The following MBNL2 variants were observed in gnomAD, a reference collection of about 807,000 sequenced individuals.
The protein encoded by MBNL2 is muscleblind-like protein 2.
In MBNL2, 17 loss-of-function variants were observed where a neutral mutation model predicts 41.9. The observed-to-expected ratio is 0.41, with a 90% CI of 0.28 to 0.61. The LOEUF is 0.61. Ranked by LOEUF, MBNL2 falls within the 20% of genes least tolerant of loss-of-function variation. MBNL2 has a pLI of 0.35. For missense variants in MBNL2, 336 were observed against 505.6 expected (o/e 0.66, Z 3.22); for synonymous variants, 195 against 182.9 (o/e 1.07, Z -0.53).
chr13:97,379,081 C>G (rs1434517098), intron 8 of MBNL2, among the ~76,000 whole-genome samples: 2 of 152,186 alleles, frequency 1.3e-5, no homozygotes, highest in Non-Finnish European at 2.9e-5. Flanking sequence ...TGGGATGAAC[C>G]TCTTCATATG....
chr13:97,389,947 T>G (rs558031641), intron 8 of MBNL2, among the ~76,000 whole-genome samples: 1 of 152,216 alleles, frequency 6.6e-6, no homozygotes, highest in East Asian at 1.9e-4. Flanking sequence ...ATGATAATAT[T>G]CAAAGATAAT....
rs201149717 is a variant in MBNL2, at chr13:97,306,146, T to TC, written c.175-28126dup. ...ATTAAAAATCACTTCCTCTCCTCTT[T>TC]CCCCAGTGTCCCTAACCAGAAGAAC... On this transcript the variant is annotated intron_variant, in intron 2 of 8. Coordinates refer to ENST00000679496, the MANE Select transcript of MBNL2 (RefSeq NM_001382683.1). Among the ~76,000 whole-genome samples, 1,185 of 152,260 alleles carry TC rather than the reference T, an allele frequency of 7.8e-3. 4 individuals carry two copies. Among genetic ancestry groups the TC allele is most frequent in the Non-Finnish European group, 0.012 (815 of 68,022 alleles).
intron 2 of MBNL2, among the ~76,000 whole-genome samples, chr13:97,305,134 T>G (rs1195442999): frequency 6.6e-6 from 1 of 152,244 alleles, no homozygotes; most frequent in Non-Finnish European, 1.5e-5. Flanking sequence ...TGTAAAAAGG[T>G]AAAATTCCAG....
chr13:97,308,142 C>T (rs1430514881), intron 2 of MBNL2, among the ~76,000 whole-genome samples: 3 of 152,206 alleles, frequency 2.0e-5, no homozygotes, highest in Admixed American at 2.0e-4. Flanking sequence ...GCTGGACGAA[C>T]ACTGGCTGGC....
At chr13:97,202,784 C>T in the MBNL2 span, among the ~76,000 whole-genome samples, 66 of 152,244 alleles carry the variant, frequency 4.3e-4, no homozygotes, top group Middle Eastern at 6.8e-3. Context: ...AAAGATGAAC[C>T]GTTACCCAAA....
intron 2 of MBNL2, among the ~76,000 whole-genome samples, chr13:97,301,580 T>G (rs1453848249): frequency 6.6e-6 from 1 of 152,042 alleles, no homozygotes. Flanking sequence ...TGCTTTTAGG[T>G]TGAGGTCACC....
chr13:97,228,739 A>G (rs924837256), intron 1 of MBNL2, among the ~76,000 whole-genome samples: 2 of 151,912 alleles, frequency 1.3e-5, no homozygotes, highest in African/African-American at 4.8e-5. Context: ...CATATTGGCC[A>G]GGGTAGTCTC....
At chr13:97,370,803 C>G (rs2064298708) in intron 8 of MBNL2, among the ~76,000 whole-genome samples, 1 of 152,090 alleles carries the variant, frequency 6.6e-6, no homozygotes, top group South Asian at 2.1e-4. Flanking sequence ...AGTCCTTTGT[C>G]TTAGGGAAAC....
chr13:97,274,454 G>T (rs2051750444), intron 1 of MBNL2, among the ~76,000 whole-genome samples: 1 of 152,002 alleles, frequency 6.6e-6, no homozygotes, highest in Admixed American at 6.6e-5. Context: ...CCGAGTTCAT[G>T]CTACTGCACT....
the MBNL2 span, among the ~76,000 whole-genome samples, chr13:97,181,027 T>C: frequency 1.3e-5 from 2 of 152,134 alleles, no homozygotes; most frequent in African/African-American, 2.4e-5. Context: ...TATGTCTCCT[T>C]CTTCCATCTT....
chr13:97,268,568 G>A lies in MBNL2; in HGVS notation c.-604-7064G>A, dbSNP rs1021355972. Among the ~76,000 whole-genome samples the A allele has an allele frequency of 9.2e-5, 14 of 152,202 alleles. No homozygotes were observed. The highest frequency in any genetic ancestry group is 3.4e-4 in the African/African-American group (14 of 41,434). On this transcript the variant is annotated intron_variant, in intron 1 of 8. Coordinates refer to ENST00000679496, the MANE Select transcript of MBNL2 (RefSeq NM_001382683.1). The surrounding 1 kb of genome is among the most constrained non-coding windows in gnomAD (Gnocchi z 4.6). ...CTGGCAGCCGCAGGGTAAGCCAGTG[G>A]CATCTGCTGGAATTTTCCTACAGAT...
At chr13:97,310,966 G>T (rs1016567142) in intron 2 of MBNL2, among the ~76,000 whole-genome samples, 12 of 152,102 alleles carry the variant, frequency 7.9e-5, no homozygotes, top group African/African-American at 2.9e-4. Context: ...AATGTAATAT[G>T]ATTAGGTCTT....
intron 7 of MBNL2, chr13:97,362,997 G>A (rs1043769405): frequency 6.6e-6 from 1 of 152,272 alleles, no homozygotes; most frequent in Admixed American, 6.5e-5. Flanking sequence ...GGCATCTTCT[G>A]AGGTGTAGAA....
intron 8 of MBNL2, among the ~76,000 whole-genome samples, chr13:97,374,259 T>C (rs2064736600): frequency 6.6e-6 from 1 of 151,722 alleles, no homozygotes; most frequent in Non-Finnish European, 1.5e-5. Flanking sequence ...GCCATTCTCC[T>C]GCCTCAGCCT....
At chr13:97,360,925 AT>A (rs2063342487) in intron 7 of MBNL2, among the ~76,000 whole-genome samples, 1 of 152,242 alleles carries the variant, frequency 6.6e-6, no homozygotes, top group Middle Eastern at 3.2e-3. Context: ...AAACGTGTAA[AT>A]GTTACATCAG....
At chr13:97,222,567 G>C in intron 1 of MBNL2, 36 bp downstream of exon 1, 1 of 397,716 alleles carries the variant, frequency 2.5e-6, no homozygotes, top group Non-Finnish European at 4.4e-6. Flanking sequence ...AATGTTTAAA[G>C]AGTTTGCTGC....
chr13:97,237,994 G>C (rs2043601763), intron 1 of MBNL2, among the ~76,000 whole-genome samples: 1 of 152,100 alleles, frequency 6.6e-6, no homozygotes, highest in East Asian at 1.9e-4. Context: ...GAAAGGGAGG[G>C]AGTCAAAGCC....
chr13:97,158,837 AGGTGT>A, the MBNL2 span, among the ~76,000 whole-genome samples: 1 of 151,970 alleles, frequency 6.6e-6, no homozygotes, highest in African/African-American at 2.4e-5. Context: ...AGTTTGGAAT[AGGTGT>A]GGTGTGGTGC....
the MBNL2 span, among the ~76,000 whole-genome samples, chr13:97,206,629 G>A: frequency 6.6e-6 from 1 of 152,146 alleles, no homozygotes; most frequent in Admixed American, 6.6e-5. Context: ...CTTAGGGACA[G>A]GAGACCCCAG....
Sources: allele counts gnomAD v4.1 joint callset (sites outside exome capture counted in the v4.1 genomes callset), GRCh38; gene constraint gnomAD v4.1.1; non-coding constraint Gnocchi (gnomAD v3.1); transcripts MANE v1.5; gene names NCBI Gene and HGNC (gene_info 2026-07-23, HGNC 2026-07-21).